The following CADM2 variants were observed in gnomAD, a reference collection of about 807,000 sequenced individuals.
The protein encoded by CADM2 is cell adhesion molecule 2, also known as immunoglobulin superfamily member 4D.
CADM2 carries 12 observed loss-of-function variants against 49.8 expected under a neutral mutation model. The observed-to-expected ratio is 0.24, with a 90% CI of 0.15 to 0.39. CADM2 has a LOEUF of 0.39. Among genes scored for constraint, CADM2 ranks in the 10% least tolerant of loss-of-function variants. The pLI, the probability that CADM2 is intolerant of heterozygous loss-of-function variation, is 1.00. For synonymous variants in CADM2, 214 were observed against 175.4 expected (o/e 1.22, Z -1.74); for missense variants, 378 against 492.3 (o/e 0.77, Z 2.20).
chr3:85,578,854 G>T lies in CADM2; in HGVS notation c.62-147668G>T, dbSNP rs535456767. ...ATACCCTCCCATCTGTGATTATAAAGTCGAGTCATTCACACACTCCCATTA... is the reference window on the plus strand; with the variant it reads ...ATACCCTCCCATCTGTGATTATAAATTCGAGTCATTCACACACTCCCATTA... On this transcript the variant is annotated intron_variant, in intron 1 of 9. Transcript: ENST00000383699. 2.6e-5 allele frequency among the ~76,000 whole-genome samples: 4 copies of T among 152,222 alleles called. 1 individual carries two copies. The highest frequency in any genetic ancestry group is 9.6e-5 in the African/African-American group (4 of 41,552).
chr3:85,418,133 A>G (rs1400958699), intron 1 of CADM2, among the ~76,000 whole-genome samples: 2 of 152,126 alleles, frequency 1.3e-5, no homozygotes, highest in Non-Finnish European at 2.9e-5. Context: ...TGTCTTTACC[A>G]GTATAATATA....
intron 1 of CADM2, among the ~76,000 whole-genome samples, chr3:85,167,428 A>G (rs765220740): frequency 6.6e-6 from 1 of 152,114 alleles, no homozygotes; most frequent in Non-Finnish European, 1.5e-5. Context: ...TAGATCCCTA[A>G]TTTTATTAAT....
chr3:84,983,341 G>T (rs1410272671), intron 1 of CADM2, among the ~76,000 whole-genome samples: 1 of 149,352 alleles, frequency 6.7e-6, no homozygotes, highest in African/African-American at 2.5e-5. Flanking sequence ...TCTTCTCCTG[G>T]AGATTTCTTG....
chr3:85,687,874 G>A (rs966062204), intron 1 of CADM2, among the ~76,000 whole-genome samples: 7 of 152,156 alleles, frequency 4.6e-5, no homozygotes, highest in African/African-American at 9.7e-5. Flanking sequence ...GGAGGTGAGC[G>A]GGCGAGCGAG....
Position 85,067,407 on chromosome 3 carries a change from T to A in CADM2, c.61+107739T>A, listed in dbSNP as rs200483841. ...AATGTGAAATTTGTTATAGTAAGAG[T>A]TTTAATGGGAACATTTATTTTATTT... On this transcript the variant is annotated intron_variant, in intron 1 of 9. Coordinates refer to ENST00000383699, the MANE Select transcript of CADM2 (RefSeq NM_001167675.2). Among the ~76,000 whole-genome samples, 8 of 151,916 alleles carry A rather than the reference T, an allele frequency of 5.3e-5. No homozygotes were observed. The South Asian group carries it at 1.7e-3, about 31-fold the overall frequency.
At chr3:85,498,204 T>C (rs1168464673) in intron 1 of CADM2, among the ~76,000 whole-genome samples, 2 of 151,980 alleles carry the variant, frequency 1.3e-5, no homozygotes, top group Non-Finnish European at 1.5e-5. Context: ...TTCTGGGCTT[T>C]TTTGTAGGTT....
intron 1 of CADM2, among the ~76,000 whole-genome samples, chr3:85,635,266 A>G (rs906471686): frequency 1.3e-5 from 2 of 152,150 alleles, no homozygotes; most frequent in Non-Finnish European, 2.9e-5. Context: ...AGCGGCATAT[A>G]CAGGAATAGA....
chr3:85,653,219 A>G (rs950146755), intron 1 of CADM2, among the ~76,000 whole-genome samples: 3 of 151,076 alleles, frequency 2.0e-5, no homozygotes. Flanking sequence ...TAGGATAATT[A>G]CATAAGTTGC....
intron 1 of CADM2, among the ~76,000 whole-genome samples, chr3:85,347,959 C>A (rs991718915): frequency 6.6e-6 from 1 of 152,020 alleles, no homozygotes; most frequent in Non-Finnish European, 1.5e-5. Flanking sequence ...AGGCGCCCAC[C>A]ACTGCGCCTG....
intron 3 of CADM2, among the ~76,000 whole-genome samples, chr3:85,879,966 C>G (rs936701483): frequency 6.6e-6 from 1 of 152,166 alleles, no homozygotes; most frequent in African/African-American, 2.4e-5. Flanking sequence ...CACAGGGATT[C>G]CTTCTTCCTC....
At chr3:85,886,794 A>G (rs1358258023) in intron 5 of CADM2, among the ~76,000 whole-genome samples, 1 of 152,188 alleles carries the variant, frequency 6.6e-6, no homozygotes, top group Non-Finnish European at 1.5e-5. Flanking sequence ...TAATTCTCAC[A>G]AAAGGCAAAA....
intron 1 of CADM2, among the ~76,000 whole-genome samples, chr3:85,587,335 G>C (rs148188774): frequency 2.6e-5 from 4 of 152,068 alleles, no homozygotes; most frequent in Admixed American, 6.6e-5. Flanking sequence ...AATCTTATTT[G>C]TTCCAGTAAT....
chr3:85,488,901 G>A (rs1304520342), intron 1 of CADM2, among the ~76,000 whole-genome samples: 5 of 152,060 alleles, frequency 3.3e-5, no homozygotes, highest in Non-Finnish European at 7.4e-5. Context: ...ATACATGTAA[G>A]CTGTAGTAAA....
chr3:85,003,075 C>A lies in CADM2; in HGVS notation c.61+43407C>A, dbSNP rs150006010. 1.7e-4 allele frequency among the ~76,000 whole-genome samples: 26 copies of A among 152,274 alleles called. No individual in the cohort carries two copies. The East Asian group carries it at 5.0e-3, about 29-fold the overall frequency. ...CCTCTCAAAGTGCTGGGATTACAGG[C>A]ATGAGCTACCTCACCTGGCCGTATC... On this transcript the variant is annotated intron_variant, in intron 1 of 9. Coordinates refer to ENST00000383699, the MANE Select transcript of CADM2 (RefSeq NM_001167675.2).
chr3:85,067,378 T>A (rs2036566236), intron 1 of CADM2, among the ~76,000 whole-genome samples: 1 of 152,090 alleles, frequency 6.6e-6, no homozygotes, highest in Non-Finnish European at 1.5e-5. Context: ...TGGCTTTTTA[T>A]TATAATGTGA....
At chr3:86,048,759 A>G (rs1578059466) in intron 8 of CADM2, among the ~76,000 whole-genome samples, 1 of 152,148 alleles carries the variant, frequency 6.6e-6, no homozygotes, top group South Asian at 2.1e-4. Flanking sequence ...ATAAGTTTAC[A>G]TTGTACAAAC....
intron 1 of CADM2, among the ~76,000 whole-genome samples, chr3:85,431,666 A>G (rs959834661): frequency 2.0e-5 from 3 of 151,338 alleles, no homozygotes; most frequent in Non-Finnish European, 4.4e-5. Context: ...GGAAAGAAAC[A>G]TGGTTACTGA....
intron 1 of CADM2, among the ~76,000 whole-genome samples, chr3:85,311,469 G>A (rs1245292941): frequency 6.6e-6 from 1 of 151,456 alleles, no homozygotes; most frequent in Non-Finnish European, 1.5e-5. Flanking sequence ...TCCGCCTCCC[G>A]GGTTCATGCC....
intron 1 of CADM2, among the ~76,000 whole-genome samples, chr3:84,979,341 T>G (rs1214326959): frequency 6.6e-6 from 1 of 152,162 alleles, no homozygotes; most frequent in Non-Finnish European, 1.5e-5. Context: ...TGTGTATATT[T>G]ATATATTGGC....
Sources: allele counts gnomAD v4.1 joint callset (sites outside exome capture counted in the v4.1 genomes callset), GRCh38; gene constraint gnomAD v4.1.1; transcripts MANE v1.5; gene names NCBI Gene and HGNC (gene_info 2026-07-23, HGNC 2026-07-21).